The following COMMD1 variants were observed in gnomAD, a reference collection of about 807,000 sequenced individuals.
The protein encoded by COMMD1 is COMM domain-containing protein 1.
Under a neutral mutation model 17.2 loss-of-function variants are expected in COMMD1, and 10 were observed. The ratio of observed to expected loss-of-function variants is 0.58; its 90% CI spans 0.36 to 0.99. COMMD1 has a LOEUF of 0.99. Ranked by LOEUF, COMMD1 falls within the 50% of genes least tolerant of loss-of-function variation. The pLI is 0.01. For synonymous variants in COMMD1, 97 were observed against 91.6 expected (o/e 1.06, Z -0.34); for missense variants, 270 against 231.8 (o/e 1.17, Z -1.07).
chr2:62,077,001 C>T lies in COMMD1; in HGVS notation c.463-58830C>T, dbSNP rs533237972. Among the ~76,000 whole-genome samples, 3 of 152,244 alleles carry T rather than the reference C, an allele frequency of 2.0e-5. No individual in the cohort carries two copies. In the South Asian group the frequency reaches 6.2e-4, roughly 32 times the overall value. ...AAAAAATTAGCCTGGCATCGTGGCT[C>T]ATGCCTGTGGCCCCAGCTACTTGGG... On this transcript the variant is annotated intron_variant, in intron 2 of 2. Transcript: ENST00000311832.
At chr2:62,061,348 C>T (rs535107091) in intron 2 of COMMD1, among the ~76,000 whole-genome samples, 3 of 151,956 alleles carry the variant, frequency 2.0e-5, no homozygotes, top group South Asian at 2.1e-4. Context: ...TTTTTGTGTT[C>T]GGAGGCAGTT....
chr2:61,928,746 G>A (rs537327563), intron 1 of COMMD1: 8 of 152,250 alleles, frequency 5.3e-5, no homozygotes, highest in East Asian at 1.9e-4. Flanking sequence ...AATAGCCAAA[G>A]CAGTAAGGTC....
At chr2:61,935,064 T>G (rs1339031558) in intron 1 of COMMD1, among the ~76,000 whole-genome samples, 1 of 152,204 alleles carries the variant, frequency 6.6e-6, no homozygotes, top group Non-Finnish European at 1.5e-5. Context: ...ATTAATAAGT[T>G]ATTTTAGTTT....
chr2:62,097,317 G>A (rs538169255), intron 2 of COMMD1, among the ~76,000 whole-genome samples: 5 of 152,112 alleles, frequency 3.3e-5, no homozygotes, highest in African/African-American at 9.7e-5. Flanking sequence ...AAGGCTTCAG[G>A]TCTTCGGGGC....
intron 2 of COMMD1, among the ~76,000 whole-genome samples, chr2:62,089,378 C>T (rs1482277576): frequency 4.0e-5 from 6 of 151,542 alleles, no homozygotes; most frequent in Admixed American, 1.3e-4. Flanking sequence ...CTAAGCCCCC[C>T]GGGTTCAAGT....
At chr2:61,961,407 A>G (rs1026908992) in intron 1 of COMMD1, among the ~76,000 whole-genome samples, 8 of 152,206 alleles carry the variant, frequency 5.3e-5, no homozygotes, top group African/African-American at 1.9e-4. Context: ...TAGTTAAGGA[A>G]ACATCTCCAA....
intron 1 of COMMD1, among the ~76,000 whole-genome samples, chr2:61,961,923 T>C (rs1361763395): frequency 1.3e-5 from 2 of 152,212 alleles, no homozygotes; most frequent in Non-Finnish European, 2.9e-5. Flanking sequence ...CTGATAATGA[T>C]AATTATAGGT....
intron 1 of COMMD1, among the ~76,000 whole-genome samples, chr2:61,992,305 A>C (rs1672271741): frequency 6.6e-6 from 1 of 152,216 alleles, no homozygotes; most frequent in Non-Finnish European, 1.5e-5. Flanking sequence ...TTCCTGGAAA[A>C]CTTGGTGTTT....
chr2:62,128,896 G>A (rs1672954556), intron 2 of COMMD1, among the ~76,000 whole-genome samples: 1 of 150,406 alleles, frequency 6.6e-6, no homozygotes, highest in African/African-American at 2.5e-5. Context: ...AGGATGCAGT[G>A]AGCCGAGATC....
intron 2 of COMMD1, among the ~76,000 whole-genome samples, chr2:62,091,124 G>C (rs1239031583): frequency 2.0e-5 from 3 of 152,184 alleles, no homozygotes; most frequent in Admixed American, 6.5e-5. Context: ...ACATGAGCCC[G>C]TGTTGGGTAA....
chr2:62,063,149 G>A (rs1250888140), intron 2 of COMMD1, among the ~76,000 whole-genome samples: 5 of 152,006 alleles, frequency 3.3e-5, no homozygotes, highest in Non-Finnish European at 5.9e-5. Flanking sequence ...CCCAGGAGGC[G>A]GAGATTGCAG....
intron 2 of COMMD1, among the ~76,000 whole-genome samples, chr2:62,129,735 CCTCTTTCT>C (rs1387082948): frequency 6.6e-6 from 1 of 152,186 alleles, no homozygotes; most frequent in Admixed American, 6.5e-5. Flanking sequence ...TCTCCCTCTT[CCTCTTTCT>C]CTCTTTCTCT....
chr2:61,891,484 C>T (rs1474566115), intron 1 of COMMD1, among the ~76,000 whole-genome samples: 1 of 152,036 alleles, frequency 6.6e-6, no homozygotes, highest in Non-Finnish European at 1.5e-5. Flanking sequence ...ACTTGTAATC[C>T]CAGCACTTTG....
At chr2:61,958,182 T>C (rs946812106) in intron 1 of COMMD1, among the ~76,000 whole-genome samples, 3 of 152,058 alleles carry the variant, frequency 2.0e-5, no homozygotes, top group African/African-American at 4.8e-5. Context: ...CTCCTCCCAC[T>C]CTCTACCCTC....
intron 1 of COMMD1, among the ~76,000 whole-genome samples, chr2:61,923,152 T>C (rs1015205917): frequency 1.3e-5 from 2 of 152,218 alleles, no homozygotes; most frequent in African/African-American, 4.8e-5. Context: ...CAGAAACTGC[T>C]ACTTTTTATG....
At chr2:62,129,746 C>T (rs1047453393) in intron 2 of COMMD1, among the ~76,000 whole-genome samples, 2 of 152,162 alleles carry the variant, frequency 1.3e-5, no homozygotes, top group Admixed American at 1.3e-4. Flanking sequence ...CTCTTTCTCT[C>T]TTTCTCTCCC....
chr2:62,126,166 T>A (rs1435636062), intron 2 of COMMD1, among the ~76,000 whole-genome samples: 3 of 152,216 alleles, frequency 2.0e-5, no homozygotes, highest in African/African-American at 7.2e-5. Context: ...TTATCCAGCC[T>A]ATCATTGATG....
At chr2:61,987,780 C>A (rs1449236189) in intron 1 of COMMD1, among the ~76,000 whole-genome samples, 1 of 152,106 alleles carries the variant, frequency 6.6e-6, no homozygotes, top group African/African-American at 2.4e-5. Context: ...CTCCTGAGCC[C>A]TAGTAGTTTT....
At chr2:62,030,547 G>A (rs1259325395) in intron 2 of COMMD1, among the ~76,000 whole-genome samples, 1 of 152,080 alleles carries the variant, frequency 6.6e-6, no homozygotes, top group Non-Finnish European at 1.5e-5. Flanking sequence ...TGTCTCCTGG[G>A]GGCAAAAATT....
Sources: gnomAD v4.1 joint callset for allele counts (sites outside exome capture counted in the v4.1 genomes callset) on GRCh38, gnomAD v4.1.1 for gene constraint, MANE v1.5 for transcripts, NCBI Gene and HGNC (gene_info 2026-07-23, HGNC 2026-07-21) for gene names.